The following SI variants were observed in gnomAD, a reference collection of about 807,000 sequenced individuals.
The protein encoded by SI is sucrase-isomaltase, intestinal.
A neutral mutation model predicts 253.3 loss-of-function variants in SI; 235 were observed. That is an observed-to-expected ratio of 0.93 (90% confidence interval 0.83 to 1.03). The LOEUF is 1.03. SI is among the 50% of genes least tolerant of loss of function. The pLI, the probability that SI is intolerant of heterozygous loss-of-function variation, is 0.00. For synonymous variants in SI, 819 were observed against 712.0 expected, an observed-to-expected ratio of 1.15 and a Z score of -2.39; for missense variants, 2,442 against 2,211.1, an observed-to-expected ratio of 1.10 and a Z score of -2.09.
chr3:165,075,409 A>G (rs1370155171), intron 2 of SI, among the ~76,000 whole-genome samples: 1 of 151,984 alleles, frequency 6.6e-6, no homozygotes, highest in Non-Finnish European at 1.5e-5. Context: ...TCAGAAACAG[A>G]TAATTAAACT....
At chr3:165,003,658 G>C (rs1048023927) in intron 37 of SI, among the ~76,000 whole-genome samples, 1 of 151,952 alleles carries the variant, frequency 6.6e-6, no homozygotes, top group South Asian at 2.1e-4. Flanking sequence ...TCAGCTATTT[G>C]TTAGAACAGA....
At chr3:165,010,706 C>G (rs867100884) in intron 34 of SI, among the ~76,000 whole-genome samples, 1 of 152,110 alleles carries the variant, frequency 6.6e-6, no homozygotes, top group Non-Finnish European at 1.5e-5. Flanking sequence ...GCTTCTATCA[C>G]TTAAATAAAA....
intron 34 of SI, among the ~76,000 whole-genome samples, chr3:165,010,588 G>T (rs531182716): frequency 6.6e-6 from 1 of 152,104 alleles, no homozygotes; most frequent in Non-Finnish European, 1.5e-5. Context: ...AGGATCTCCC[G>T]TATGATAATT....
intron 25 of SI, among the ~76,000 whole-genome samples, chr3:165,025,307 AG>A (rs1048085394): frequency 3.3e-5 from 5 of 151,334 alleles, no homozygotes; most frequent in Admixed American, 1.3e-4. Context: ...CAAAGAAAAA[AG>A]AAGAAGACAA....
rs190417292 is a variant in SI at position 165,074,708 on chromosome 3, A to G, written c.119-41T>C. ...ACTCAATAAAATAAAACATGACATT[A>G]AATTAATTTTCTCAGAATTATCAAG... On this transcript the variant is annotated intron_variant, in intron 2 of 47. Coordinates refer to ENST00000264382, the MANE Select transcript of SI (RefSeq NM_001041.4). 6 of 1,509,324 alleles carry G rather than the reference A, an allele frequency of 4.0e-6. 1 individual carries two copies. Among genetic ancestry groups the G allele is most frequent in the Admixed American group, 3.4e-5 (2 of 59,436 alleles). 93.5% of individuals were successfully genotyped at this position (1,509,324 alleles called of 1,614,324 possible). A position where few individuals can be genotyped will look rare whatever the true frequency, so the allele number is the denominator to read the frequency against.
At position 164,982,288 on chromosome 3, in the gene SI, G is replaced by T. The variant is rs760411938; in HGVS notation, c.5370C>A (p.Asn1790Lys). 1 of 1,612,882 alleles carries T rather than the reference G, an allele frequency of 6.2e-7. No homozygotes were observed. Among genetic ancestry groups the T allele is most frequent in the Non-Finnish European group, 8.5e-7 (1 of 1,179,358 alleles). ...TPVNAVTLTY[N>K]GNKNSLPFNE... is the part of the protein sequence containing the mutation. ...TAAAAGGAAGCGAATTTTTATTTCC[G>T]TTATACGTTAGAGTAACTGCATTGA... Residue 1790 changes from asparagine (N) to lysine (K), a missense_variant, in exon 47 of 48, where the codon AAC becomes AAA. Physicochemically the swap from Asn to Lys is moderately conservative, Grantham distance 94. Transcript: ENST00000264382.
intron 44 of SI, among the ~76,000 whole-genome samples, chr3:164,989,895 T>C (rs1203952379): frequency 2.0e-5 from 3 of 152,152 alleles, no homozygotes; most frequent in African/African-American, 7.2e-5. Context: ...ACAGAGATAG[T>C]AAAATATCAG....
intron 40 of SI, 73 bp from the exon 41 acceptor site, chr3:164,994,478 G>A (rs544969597): frequency 2.0e-6 from 3 of 1,505,962 alleles, no homozygotes. Flanking sequence ...ATTCATATTT[G>A]AAGAACTAAA....
At chr3:165,043,631 T>G (rs2108223721) in intron 16 of SI, among the ~76,000 whole-genome samples, 1 of 152,144 alleles carries the variant, frequency 6.6e-6, no homozygotes, top group South Asian at 2.1e-4. Flanking sequence ...TGAATAAAAT[T>G]GAGCTTTGCC....
intron 28 of SI, 92 bp from the exon 29 acceptor site, chr3:165,018,158 A>C (rs1719133106): frequency 2.6e-6 from 2 of 781,366 alleles, no homozygotes; most frequent in South Asian, 2.9e-5. Context: ...TACAATCGAG[A>C]CTTGATATTT....
chr3:165,047,408 C>A (rs1167518409), intron 15 of SI, among the ~76,000 whole-genome samples: 1 of 152,098 alleles, frequency 6.6e-6, no homozygotes, highest in Non-Finnish European at 1.5e-5. Flanking sequence ...CAATAAACCT[C>A]CTTCTTTAGT....
At chr3:165,060,723 CTG>C (rs1713941817) in intron 9 of SI, among the ~76,000 whole-genome samples, 2 of 148,230 alleles carry the variant, frequency 1.3e-5, no homozygotes, top group African/African-American at 4.9e-5. Context: ...TTGGATGTAA[CTG>C]GTGTTTTTTT....
rs764276555 is a variant in SI at position 165,017,573 on chromosome 3, G to T, written c.3734C>A (p.Ala1245Asp). ...NTSEVRELYD[A>D]MVAANIPYDV... is the part of the protein sequence containing the mutation. Reference sequence around the variant, plus strand: ...ATAGGGGATGTTAGCAGCCACCATAGCGTCATATAATTCCCGAACCTCTGA... The same window carrying T: ...ATAGGGGATGTTAGCAGCCACCATATCGTCATATAATTCCCGAACCTCTGA... Residue 1245 changes from alanine (A) to aspartate (D), a missense_variant, in exon 31 of 48, where the codon GCT becomes GAT. Transcript: ENST00000264382. The T allele has an allele frequency of 6.2e-7, 1 of 1,612,138 alleles. No individual in the cohort carries two copies. The highest frequency in any genetic ancestry group is 1.3e-5 in the African/African-American group (1 of 74,764).
chr3:165,008,222 G>A (rs927731183), intron 35 of SI, among the ~76,000 whole-genome samples: 1 of 151,566 alleles, frequency 6.6e-6, no homozygotes, highest in Non-Finnish European at 1.5e-5. Flanking sequence ...TGTTTTCTCT[G>A]TATTATGCAT....
Position 165,043,103 on chromosome 3 carries a change from C to T in SI, c.1960G>A (p.Ala654Thr), listed in dbSNP as rs973375980. The T allele has an allele frequency of 1.9e-6, 3 of 1,612,440 alleles. No homozygotes were observed. The highest frequency in any genetic ancestry group is 2.5e-6 in the Non-Finnish European group (3 of 1,178,998). ...ELCRRWMQLGAFYPFSRNHNS... is the reference protein window; with the variant it reads ...ELCRRWMQLGTFYPFSRNHNS... ...TGGTTTCTGGAAAATGGATAAAATG[C>T]CCCAAGTTGCATCCATCTTCTGCAA... The change falls in exon 17 of 48, where the codon GCA becomes ACA. Residue 654 changes from alanine to threonine, a missense_variant. Transcript: ENST00000264382.
At chr3:165,084,415 A>G in the SI span, among the ~76,000 whole-genome samples, 1 of 152,046 alleles carries the variant, frequency 6.6e-6, no homozygotes, top group African/African-American at 2.4e-5. Context: ...CCTCCCAGTT[A>G]TATTTAAAAA....
chr3:165,063,687 A>G (rs1714088373), intron 7 of SI, 146 bp from the exon 8 acceptor site: 1 of 466,962 alleles, frequency 2.1e-6, no homozygotes. Context: ...TATATGTACC[A>G]GTGAAATATT....
chr3:165,026,759 A>C (rs1711944354), intron 25 of SI, among the ~76,000 whole-genome samples: 1 of 151,328 alleles, frequency 6.6e-6, no homozygotes, highest in Non-Finnish European at 1.5e-5. Flanking sequence ...AAATTTAAAA[A>C]GTCTTCTAAC....
At chr3:165,073,182 CTCTCTCTCTCTCTCTCTCT>C (rs1714700172) in intron 3 of SI, among the ~76,000 whole-genome samples, 1 of 3,208 alleles carries the variant, frequency 3.1e-4, no homozygotes, top group Admixed American at 2.4e-3. Context: ...CTCTCTCTCT[CTCTCTCTCTCTCTCTCTCT>C]CTCTCTCTCT....
Sources: allele counts gnomAD v4.1 joint callset (sites outside exome capture counted in the v4.1 genomes callset), GRCh38; gene constraint gnomAD v4.1.1; transcripts MANE v1.5; gene names NCBI Gene and HGNC (gene_info 2026-07-23, HGNC 2026-07-21).